Variants in SENP7 observed in about 807,000 individuals in gnomAD.
SENP7 encodes SUMO specific peptidase 7.
A neutral mutation model predicts 141.2 loss-of-function variants in SENP7; 64 were observed. The ratio of observed to expected loss-of-function variants is 0.45; its 90% CI spans 0.37 to 0.56. SENP7 has a LOEUF of 0.56. SENP7 is among the 20% of genes least tolerant of loss of function. The probability of loss-of-function intolerance (pLI) is 0.00; values close to 1 mark genes in which losing one functional copy is unlikely to be tolerated. For missense variants in SENP7, 1,025 were observed against 1,212.2 expected (o/e 0.85, Z 2.29); for synonymous variants, 382 against 426.4 (o/e 0.90, Z 1.28).
chr3:101,346,881 CG>C (rs2059471395), intron 13 of SENP7, among the ~76,000 whole-genome samples: 1 of 150,674 alleles, frequency 6.6e-6, no homozygotes, highest in Non-Finnish European at 1.5e-5. Flanking sequence ...CAAATACCAC[CG>C]GTTTCCCAAA....
intron 5 of SENP7, among the ~76,000 whole-genome samples, chr3:101,416,476 T>C (rs1176831056): frequency 6.6e-6 from 1 of 152,216 alleles, no homozygotes; most frequent in Non-Finnish European, 1.5e-5. Context: ...GTAGCCCTTT[T>C]ATTTACATCT....
chr3:101,512,770 G>A (rs2065912672), intron 1 of SENP7, among the ~76,000 whole-genome samples: 1 of 152,214 alleles, frequency 6.6e-6, no homozygotes, highest in African/African-American at 2.4e-5. Flanking sequence ...GGAATTACGA[G>A]GAAGGCGTGG....
At chr3:101,405,054 C>T (rs1477611471) in intron 5 of SENP7, among the ~76,000 whole-genome samples, 1 of 152,178 alleles carries the variant, frequency 6.6e-6, no homozygotes, top group African/African-American at 2.4e-5. Flanking sequence ...TAGATTGCAG[C>T]TCTGACTCGA....
At chr3:101,508,068 A>AC (rs2065699232) in intron 1 of SENP7, among the ~76,000 whole-genome samples, 1 of 151,168 alleles carries the variant, frequency 6.6e-6, no homozygotes, top group Non-Finnish European at 1.5e-5. Flanking sequence ...AAAAAAAAAA[A>AC]AATTGGATAT....
intron 2 of SENP7, among the ~76,000 whole-genome samples, chr3:101,497,696 C>T (rs2065214431): frequency 6.6e-6 from 1 of 152,134 alleles, no homozygotes; most frequent in African/African-American, 2.4e-5. Context: ...AGCACAGTGG[C>T]TCACACCTAG....
At chr3:101,394,074 C>T (rs1195411331) in intron 6 of SENP7, among the ~76,000 whole-genome samples, 1 of 151,812 alleles carries the variant, frequency 6.6e-6, no homozygotes, top group Non-Finnish European at 1.5e-5. Context: ...ATATAGTAGC[C>T]ATTAACCAAA....
intron 4 of SENP7, among the ~76,000 whole-genome samples, chr3:101,454,175 G>A (rs908590710): frequency 3.3e-5 from 5 of 152,164 alleles, no homozygotes; most frequent in African/African-American, 9.7e-5. Context: ...GCATGACACA[G>A]CAATTCTAAT....
chr3:101,376,680 T>C (rs187776446), intron 6 of SENP7, among the ~76,000 whole-genome samples: 1,823 of 152,216 alleles, frequency 0.012, 115 homozygotes, highest in Admixed American at 0.1. Context: ...ATACACCTAA[T>C]GTTAAATGAC....
chr3:101,485,366 C>T (rs962620973), intron 3 of SENP7, among the ~76,000 whole-genome samples: 2 of 152,226 alleles, frequency 1.3e-5, no homozygotes, highest in Admixed American at 1.3e-4. Flanking sequence ...TGCACCCCGC[C>T]ACTACCTCCA....
chr3:101,392,112 T>C (rs1398994092), intron 6 of SENP7, among the ~76,000 whole-genome samples: 1 of 152,172 alleles, frequency 6.6e-6, no homozygotes, highest in Non-Finnish European at 1.5e-5. Flanking sequence ...AGCCAAATTA[T>C]ACTGATTGAA....
chr3:101,485,510 A>G (rs2064692511), intron 3 of SENP7, among the ~76,000 whole-genome samples: 1 of 152,152 alleles, frequency 6.6e-6, no homozygotes, highest in Non-Finnish European at 1.5e-5. Context: ...AAGAGAGACA[A>G]CAATCACTGC....
intron 6 of SENP7, among the ~76,000 whole-genome samples, chr3:101,372,411 T>C (rs2060206961): frequency 6.6e-6 from 1 of 152,120 alleles, no homozygotes; most frequent in Non-Finnish European, 1.5e-5. Context: ...ACTATACAAG[T>C]ATTAAATTAG....
chr3:101,431,140 G>C (rs1414393809), intron 4 of SENP7, among the ~76,000 whole-genome samples: 1 of 152,182 alleles, frequency 6.6e-6, no homozygotes, highest in Non-Finnish European at 1.5e-5. Context: ...GTGGTGCTGA[G>C]AAGAATGTAT....
chr3:101,500,217 A>G (rs2065323572), intron 2 of SENP7, among the ~76,000 whole-genome samples: 1 of 152,296 alleles, frequency 6.6e-6, no homozygotes, highest in African/African-American at 2.4e-5. Context: ...TTATAATGTA[A>G]ATCGGGATAT....
chr3:101,454,510 CAAAAGAAAAAAAGA>C (rs1210472087), intron 4 of SENP7, among the ~76,000 whole-genome samples: 1 of 150,930 alleles, frequency 6.6e-6, no homozygotes, highest in Non-Finnish European at 1.5e-5. Context: ...GACTCCATCT[CAAAAGAAAAAAAGA>C]AAAAGAAAAA....
intron 7 of SENP7, among the ~76,000 whole-genome samples, chr3:101,371,600 C>T (rs2060183031): frequency 6.6e-6 from 1 of 152,024 alleles, no homozygotes; most frequent in African/African-American, 2.4e-5. Context: ...TGTTTGGCAT[C>T]CTCCTGAAGT....
intron 1 of SENP7, among the ~76,000 whole-genome samples, chr3:101,507,038 G>T (rs974172957): frequency 6.8e-5 from 10 of 147,714 alleles, no homozygotes; most frequent in Non-Finnish European, 1.2e-4. Flanking sequence ...TCCAGCCTAG[G>T]CAACAGAGCA....
chr3:101,362,269 T>C (rs1044489338), intron 10 of SENP7, among the ~76,000 whole-genome samples: 13 of 152,294 alleles, frequency 8.5e-5, no homozygotes, highest in East Asian at 3.9e-4. Context: ...AACCACCCTA[T>C]AGGCAGGTTT....
chr3:101,380,445 C>CACA lies in SENP7; in HGVS notation c.678-8320_678-8319insTGT, dbSNP rs1553707804. Among the ~76,000 whole-genome samples, 1,203 of 128,566 alleles carry CACA rather than the reference C, an allele frequency of 9.4e-3. 31 individuals carry two copies. Among genetic ancestry groups the CACA allele is most frequent in the African/African-American group, 0.029 (1,032 of 35,460 alleles). The allele number at this position is 128,566 out of a possible 152,430, so 84.3% of individuals were successfully genotyped here. A position where few individuals can be genotyped will look rare whatever the true frequency, so the allele number is the denominator to read the frequency against. ...GTAAAGCAAACCACCGCCCCCCCCC[C>CACA]CACACACACACACAAAACAAAACAT... On this transcript the variant is annotated intron_variant, in intron 6 of 23. Transcript: ENST00000394095.
Sources: gnomAD v4.1 joint callset for allele counts (sites outside exome capture counted in the v4.1 genomes callset) on GRCh38, gnomAD v4.1.1 for gene constraint, MANE v1.5 for transcripts, NCBI Gene and HGNC (gene_info 2026-07-23, HGNC 2026-07-21) for gene names.